NCAPD2: variants seen among roughly 807,000 people sequenced by gnomAD.
NCAPD2 encodes the protein non-SMC condensin I complex subunit D2, also known as condensin complex subunit 1.
Under a neutral mutation model 164.5 loss-of-function variants are expected in NCAPD2, and 100 were observed. That is an observed-to-expected ratio of 0.61 (90% CI 0.52 to 0.72). The LOEUF is 0.72. Among genes scored for constraint, NCAPD2 ranks in the 30% least tolerant of loss-of-function variants. The pLI, the probability that NCAPD2 is intolerant of heterozygous loss-of-function variation, is 0.00. For synonymous variants in NCAPD2, 585 were observed against 642.6 expected (o/e 0.91, Z 1.36); for missense variants, 1,560 against 1,749.2 (o/e 0.89, Z 1.93).
At chr12:6,500,437 A>G (rs1218498401) in intron 2 of NCAPD2, among the ~76,000 whole-genome samples, 1 of 152,168 alleles carries the variant, frequency 6.6e-6, no homozygotes, top group Non-Finnish European at 1.5e-5. Flanking sequence ...AAGCCTATGC[A>G]AAGGCCTTGA....
In NCAPD2 at chr12:6,528,498, A is replaced by T. The variant is rs1313022983; in HGVS notation, c.3299+170A>T. 2 of 1,136,520 alleles carry T rather than the reference A, an allele frequency of 1.8e-6. No homozygotes were observed. Among genetic ancestry groups the T allele is most frequent in the Non-Finnish European group, 2.5e-6 (2 of 800,446 alleles). 70.4% of individuals were successfully genotyped at this position (1,136,520 alleles called of 1,614,324 possible). ...GCTAAGAGTCACCCCAGTGGGACTG[A>T]CACTTCTGGTTAGAAGCTTCACCTC... On this transcript the variant is annotated intron_variant, in intron 25 of 31. Transcript: ENST00000315579. The surrounding 1 kb of genome is among the most constrained non-coding windows in gnomAD (Gnocchi z 5.1).
In NCAPD2 at chr12:6,522,053, T is replaced by C. The variant is rs772151867; in HGVS notation, c.1954+16T>C. On this transcript the variant is annotated intron_variant, in intron 15 of 31. Coordinates refer to ENST00000315579, the MANE Select transcript of NCAPD2 (RefSeq NM_014865.4). ...ACAACTACAGGTATGCCAGAGTCCCTTTCTATAAGGACAGCCTTGGGGTTC... is the reference window on the plus strand; with the variant it reads ...ACAACTACAGGTATGCCAGAGTCCCCTTCTATAAGGACAGCCTTGGGGTTC... The C allele has an allele frequency of 8.7e-6, 14 of 1,611,504 alleles. 1 individual carries two copies. The highest frequency in any genetic ancestry group is 1.6e-4 in the Middle Eastern group (1 of 6,074).
intron 17 of NCAPD2, among the ~76,000 whole-genome samples, 159 bp downstream of exon 17, chr12:6,523,505 C>G (rs1020882868): frequency 1.4e-5 from 2 of 144,522 alleles, no homozygotes; most frequent in Admixed American, 7.3e-5. Flanking sequence ...TCAAGCAATT[C>G]TCCTGCCTCA....
Position 6,510,745 on chromosome 12 carries a change from C to G in NCAPD2, c.379C>G (p.Leu127Val), listed in dbSNP as rs1166992985. The G allele has an allele frequency of 6.2e-7, 1 of 1,614,180 alleles. No homozygotes were observed. The highest frequency in any genetic ancestry group is 2.2e-5 in the East Asian group (1 of 44,882). ...LKMNCYALIRLLESFETMASQ... is the reference protein window; with the variant it reads ...LKMNCYALIRVLESFETMASQ... ...AATGAACTGTTATGCTCTGATACGT[C>G]TCCTGGAATCCTTTGAGACCATGGC... Residue 127 changes from leucine to valine, a missense_variant, in exon 5 of 32, where the codon CTC (leucine) becomes GTC (valine). Leu to Val is a conservative substitution (Grantham distance 32). Transcript: ENST00000315579.
In NCAPD2 at chr12:6,522,975, A is replaced by T. The variant is rs765390473; in HGVS notation, c.2102A>T (p.Tyr701Phe). ...GTGCTTAATGCCTACCGCCAACTCT[A>T]CCTCAACCCCAAAGGGGACTCTGCC... ...EAVLNAYRQL[Y>F]LNPKGDSARA... The change falls in exon 16 of 32, where the codon TAC (tyrosine) becomes TTC (phenylalanine). Residue 701 changes from tyrosine to phenylalanine, a missense_variant. Coordinates refer to ENST00000315579, the MANE Select transcript of NCAPD2 (RefSeq NM_014865.4). 7 of 1,613,988 alleles carry T rather than the reference A, an allele frequency of 4.3e-6. No individual in the cohort carries two copies. Among genetic ancestry groups the T allele is most frequent in the East Asian group, 2.2e-5 (1 of 44,878 alleles).
chr12:6,531,029 A>G lies in NCAPD2; in HGVS notation c.4073A>G (p.Lys1358Arg). Reference protein sequence around the residue: ...RHPNTQQRASKKKPKVVFSSD... With the variant: ...RHPNTQQRASRKKPKVVFSSD... Reference sequence around the variant, plus strand: ...CCAAACACCCAGCAGCGAGCTTCCAAAAAGAAACCCAAAGTTGTCTTCTCA... The same window carrying G: ...CCAAACACCCAGCAGCGAGCTTCCAGAAAGAAACCCAAAGTTGTCTTCTCA... Residue 1358 changes from lysine (K) to arginine (R), a missense_variant, in exon 31 of 32, where the codon AAA becomes AGA. Lys to Arg is a conservative substitution (Grantham distance 26). Transcript: ENST00000315579. This position sits in a 1 kb window ranked among gnomAD's most constrained non-coding sequence, Gnocchi z 4.1. 2.5e-6 allele frequency: 4 copies of G among 1,614,088 alleles called. No homozygotes were observed. Among genetic ancestry groups the G allele is most frequent in the Non-Finnish European group, 3.4e-6 (4 of 1,180,026 alleles).
chr12:6,503,008 CTTTTTTTTT>C (rs58563520), intron 2 of NCAPD2, among the ~76,000 whole-genome samples: 1 of 86,298 alleles, frequency 1.2e-5, no homozygotes, highest in Non-Finnish European at 2.3e-5. Flanking sequence ...CCACACCTGG[CTTTTTTTTT>C]TTTTTTTTTT....
chr12:6,526,372 G>T lies in NCAPD2; in HGVS notation c.2566+1G>T. 6.2e-7 allele frequency: 1 copy of T among 1,614,162 alleles called. No homozygotes were observed. Among genetic ancestry groups the T allele is most frequent in the East Asian group, 2.2e-5 (1 of 44,886 alleles). On this transcript the variant is annotated splice_donor_variant, in intron 20 of 31. Transcript: ENST00000315579. LOFTEE classifies it high-confidence loss of function. ...CGACTGCGGGAGACAGTCACAAAAG[G>T]TGAGCTCTCAGGGAAGGCCTTGGGC...
In NCAPD2 at chr12:6,530,415, A is replaced by T. The variant is rs547317476; in HGVS notation, c.3838-276A>T. 2.0e-5 allele frequency among the ~76,000 whole-genome samples: 3 copies of T among 152,288 alleles called. No individual in the cohort carries two copies. The South Asian group carries it at 6.2e-4, about 32-fold the overall frequency. ...TCACTGCACGTAATGACATGTACCC[A>T]CCATTGCAGTATCATACAGAAGAGT... On this transcript the variant is annotated intron_variant, in intron 29 of 31. Coordinates refer to ENST00000315579, the MANE Select transcript of NCAPD2 (RefSeq NM_014865.4).
intron 13 of NCAPD2, among the ~76,000 whole-genome samples, chr12:6,518,509 T>TGTTTG (rs1555139592): frequency 1.0e-5 from 1 of 95,638 alleles, no homozygotes; most frequent in African/African-American, 4.7e-5. Flanking sequence ...AACAAGTTTT[T>TGTTTG]TTTTTTTTTT....
intron 15 of NCAPD2, among the ~76,000 whole-genome samples, chr12:6,522,484 G>C (rs1266938366): frequency 1.3e-5 from 2 of 151,988 alleles, no homozygotes; most frequent in African/African-American, 2.4e-5. Context: ...TACTCGGAAG[G>C]CTGGGCAGGA....
At chr12:6,515,651 G>A (rs937942784) in intron 9 of NCAPD2, among the ~76,000 whole-genome samples, 17 of 152,140 alleles carry the variant, frequency 1.1e-4, no homozygotes, top group Admixed American at 7.9e-4. Flanking sequence ...CTGATGTTGG[G>A]CACTCCTAGG....
chr12:6,516,215 A>C (rs1216175977), intron 9 of NCAPD2, among the ~76,000 whole-genome samples: 2 of 149,486 alleles, frequency 1.3e-5, no homozygotes, highest in African/African-American at 4.9e-5. Context: ...ACCAAAAAAA[A>C]CCACACAGAC....
intron 6 of NCAPD2, among the ~76,000 whole-genome samples, chr12:6,512,955 C>T (rs1414237816): frequency 6.6e-6 from 1 of 152,076 alleles, no homozygotes; most frequent in Non-Finnish European, 1.5e-5. Context: ...ATTTGGAAGA[C>T]TGGAGTTAAT....
In NCAPD2 at chr12:6,510,113, C is replaced by T; in HGVS notation, c.242C>T (p.Thr81Ile). 6.2e-7 allele frequency: 1 copy of T among 1,612,368 alleles called. No homozygotes were observed. Among genetic ancestry groups the T allele is most frequent in the Non-Finnish European group, 8.5e-7 (1 of 1,178,382 alleles). ...ATAGATCCTGGCCTCAAAGAAGATA[C>T]TCTGCAATTCCTGATAAAAGGTGTT... ...RSIDPGLKED[T>I]LQFLIKVVSR... is the part of the protein sequence containing the mutation. The change falls in exon 4 of 32, where the codon ACT becomes ATT. Residue 81 changes from threonine to isoleucine, a missense_variant. Thr to Ile is a moderately conservative substitution (Grantham distance 89). Transcript: ENST00000315579.
At chr12:6,524,593 G>A (rs1386871440) in intron 17 of NCAPD2, among the ~76,000 whole-genome samples, 1 of 145,246 alleles carries the variant, frequency 6.9e-6, no homozygotes, top group East Asian at 2.0e-4. Flanking sequence ...AGGTAGCAGT[G>A]AGCCGAGATT....
In NCAPD2 at chr12:6,515,524, G is replaced by A. The variant is rs546013881; in HGVS notation, c.987+604G>A. On this transcript the variant is annotated intron_variant, in intron 9 of 31. Coordinates refer to ENST00000315579, the MANE Select transcript of NCAPD2 (RefSeq NM_014865.4). Reference sequence around the variant, plus strand: ...TCCCATCTGTTCCTCAGGATAAAGCGTCTTCCCACCAGCTGGCTTGCCTTG... The same window carrying A: ...TCCCATCTGTTCCTCAGGATAAAGCATCTTCCCACCAGCTGGCTTGCCTTG... Among the ~76,000 whole-genome samples the A allele has an allele frequency of 1.2e-4, 18 of 152,248 alleles. No homozygotes were observed. In the South Asian group the frequency reaches 1.5e-3, roughly 12 times the overall value.
At position 6,511,256 on chromosome 12, in the gene NCAPD2, G is replaced by T. The variant is rs978323265; in HGVS notation, c.587+4G>T. ...TAATTGAAGAAGAATTTGTCAGGTG[G>T]GTAGGGAGGATGGCTACAGATAATA... On this transcript the variant is annotated splice_donor_region_variant and intron_variant, in intron 6 of 31. Coordinates refer to ENST00000315579, the MANE Select transcript of NCAPD2 (RefSeq NM_014865.4). The T allele has an allele frequency of 6.2e-7, 1 of 1,614,072 alleles. No individual in the cohort carries two copies. Among genetic ancestry groups the T allele is most frequent in the Non-Finnish European group, 8.5e-7 (1 of 1,179,982 alleles).
chr12:6,505,637 A>T (rs368411140), intron 2 of NCAPD2, among the ~76,000 whole-genome samples: 2 of 152,250 alleles, frequency 1.3e-5, no homozygotes, highest in East Asian at 3.9e-4. Flanking sequence ...TCAGGAGTTC[A>T]AGATCAGCCT....
Sources: allele counts gnomAD v4.1 joint callset (sites outside exome capture counted in the v4.1 genomes callset), GRCh38; gene constraint gnomAD v4.1.1; non-coding constraint Gnocchi (gnomAD v3.1); transcripts MANE v1.5; gene names NCBI Gene and HGNC (gene_info 2026-07-23, HGNC 2026-07-21).